Variants in GKAP1 observed in about 807,000 individuals in gnomAD.
The protein encoded by GKAP1 is G kinase anchoring protein 1, also known as G kinase-anchoring protein 1.
Under a neutral mutation model 56.7 loss-of-function variants are expected in GKAP1, and 31 were observed. The ratio of observed to expected loss-of-function variants is 0.55; its 90% CI spans 0.41 to 0.74. The LOEUF (loss-of-function observed/expected upper bound fraction) is 0.74, where lower values mean the gene tolerates loss of function less well. Ranked by LOEUF, GKAP1 falls within the 30% of genes least tolerant of loss-of-function variation. The pLI is 0.00. For synonymous variants in GKAP1, 151 were observed against 138.6 expected (o/e 1.09, Z -0.63); for missense variants, 364 against 402.3 (o/e 0.90, Z 0.82).
intron 3 of GKAP1, 97 bp downstream of exon 3, chr9:83,806,205 A>G: frequency 4.2e-6 from 3 of 706,142 alleles, no homozygotes; most frequent in South Asian, 3.7e-5. Context: ...GTACCTGTGG[A>G]ACAGGTACTA....
chr9:83,758,977 T>G (rs935422285), intron 8 of GKAP1, among the ~76,000 whole-genome samples: 2 of 152,192 alleles, frequency 1.3e-5, no homozygotes, highest in African/African-American at 4.8e-5. Flanking sequence ...CCTTTACACT[T>G]AATGAAAGCT....
At chr9:83,747,375 A>C (rs904673395) in intron 10 of GKAP1, among the ~76,000 whole-genome samples, 5 of 152,160 alleles carry the variant, frequency 3.3e-5, no homozygotes, top group African/African-American at 1.2e-4. Flanking sequence ...AGTAGCAGCA[A>C]AAGTATGAAG....
In GKAP1 at chr9:83,741,969, C is replaced by T; in HGVS notation, c.1036G>A (p.Glu346Lys). 6.3e-7 allele frequency: 1 copy of T among 1,591,534 alleles called. No individual in the cohort carries two copies. Among genetic ancestry groups the T allele is most frequent in the Non-Finnish European group, 8.6e-7 (1 of 1,168,632 alleles). Residue 346 changes from glutamate to lysine, a missense_variant, in exon 12 of 13, where the codon GAG becomes AAG. Coordinates refer to ENST00000376371, the MANE Select transcript of GKAP1 (RefSeq NM_025211.4). ...ERSKVKVLQAELAKYQGGRKG... is the reference protein window; with the variant it reads ...ERSKVKVLQAKLAKYQGGRKG... ...AAGCATACCTGGTATTTGGCTAACTCTGCTTGTAATACTTTCACTTTAGAT... is the reference window on the plus strand; with the variant it reads ...AAGCATACCTGGTATTTGGCTAACTTTGCTTGTAATACTTTCACTTTAGAT...
chr9:83,796,257 G>A (rs1211882127), intron 4 of GKAP1, among the ~76,000 whole-genome samples: 1 of 151,760 alleles, frequency 6.6e-6, no homozygotes, highest in Non-Finnish European at 1.5e-5. Flanking sequence ...TAATACCTGT[G>A]TCTCTTCTAT....
chr9:83,756,336 T>G (rs1943474997), intron 8 of GKAP1, among the ~76,000 whole-genome samples: 1 of 151,418 alleles, frequency 6.6e-6, no homozygotes, highest in Non-Finnish European at 1.5e-5. Flanking sequence ...CTGGGTGTGG[T>G]GGCACATGCC....
rs201680108 is a variant in GKAP1 at position 83,789,884 on chromosome 9, TTTTTAA to T, written c.361-1212_361-1207del. On this transcript the variant is annotated intron_variant, in intron 4 of 12. Coordinates refer to ENST00000376371, the MANE Select transcript of GKAP1 (RefSeq NM_025211.4). Reference sequence around the variant, plus strand: ...GCTTTTTCAAGACCTAATTATTTAGTTTTTAATTCAAATCTGTGAATCACTCAGTAT... The same window carrying T: ...GCTTTTTCAAGACCTAATTATTTAGTTTCAAATCTGTGAATCACTCAGTAT... Among the ~76,000 whole-genome samples, 1,266 of 152,340 alleles carry T rather than the reference TTTTTAA, an allele frequency of 8.3e-3. 19 individuals are homozygous for T. The highest frequency in any genetic ancestry group is 0.029 in the African/African-American group (1,201 of 41,572).
intron 7 of GKAP1, among the ~76,000 whole-genome samples, chr9:83,774,246 A>T (rs1243682401): frequency 6.6e-6 from 1 of 152,202 alleles, no homozygotes; most frequent in South Asian, 2.1e-4. Flanking sequence ...ATCCTAGAAT[A>T]AAACCTAGGA....
chr9:83,787,806 C>G (rs903725848), intron 5 of GKAP1, among the ~76,000 whole-genome samples: 12 of 152,184 alleles, frequency 7.9e-5, no homozygotes, highest in Non-Finnish European at 1.3e-4. Context: ...CAACACACAA[C>G]CTAATATCAA....
intron 7 of GKAP1, among the ~76,000 whole-genome samples, chr9:83,777,337 T>C (rs1943880659): frequency 6.6e-6 from 1 of 152,170 alleles, no homozygotes; most frequent in Non-Finnish European, 1.5e-5. Context: ...TGAGTATCTA[T>C]GAGATACCCT....
intron 8 of GKAP1, among the ~76,000 whole-genome samples, chr9:83,759,930 CCA>C (rs938927290): frequency 3.3e-5 from 5 of 152,160 alleles, no homozygotes; most frequent in East Asian, 1.9e-4. Flanking sequence ...TTTAAATTTG[CCA>C]CAGTCTTTTC....
At chr9:83,746,301 G>A (rs1943292334) in intron 10 of GKAP1, among the ~76,000 whole-genome samples, 1 of 152,138 alleles carries the variant, frequency 6.6e-6, no homozygotes, top group South Asian at 2.1e-4. Flanking sequence ...ACAATTGCTT[G>A]CAGGACATCC....
At position 83,768,925 on chromosome 9, in the gene GKAP1, T is replaced by C. The variant is rs1943710173; in HGVS notation, c.631A>G (p.Asn211Asp). ...TTATGAACATCATCTTCCAGTCTAT[T>C]GAAGAATCCTCCATCATGTGATAAA... Reference protein sequence around the residue: ...QTLSHDGGFFNRLEDDVHKIL... With the variant: ...QTLSHDGGFFDRLEDDVHKIL... The change falls in exon 8 of 13, where the codon AAT (asparagine) becomes GAT (aspartate). Residue 211 changes from asparagine to aspartate, a missense_variant. By Grantham distance (23) the Asn-to-Asp change is conservative (BLOSUM62 1). Transcript: ENST00000376371. 12 of 1,610,648 alleles carry C rather than the reference T, an allele frequency of 7.5e-6. No homozygotes were observed. In the East Asian group the frequency reaches 2.7e-4, roughly 36 times the overall value.
chr9:83,747,999 T>C (rs1341350211), intron 10 of GKAP1, among the ~76,000 whole-genome samples: 4 of 152,164 alleles, frequency 2.6e-5, no homozygotes, highest in Non-Finnish European at 5.9e-5. Flanking sequence ...TTCAATTTTT[T>C]TTATTGGCAC....
At chr9:83,771,240 GT>G (rs1943755307) in intron 7 of GKAP1, among the ~76,000 whole-genome samples, 3 of 70,516 alleles carry the variant, frequency 4.3e-5, no homozygotes, top group Non-Finnish European at 1.0e-4. Flanking sequence ...TTTTTTTGTT[GT>G]TTGTTTGTTT....
At chr9:83,788,851 A>C in intron 4 of GKAP1, 173 bp from the exon 5 acceptor site, 1 of 395,314 alleles carries the variant, frequency 2.5e-6, no homozygotes, top group Non-Finnish European at 4.5e-6. Context: ...TCTATAGAAG[A>C]CATCAAAATA....
intron 6 of GKAP1, among the ~76,000 whole-genome samples, chr9:83,784,012 C>T (rs1006451093): frequency 6.7e-6 from 1 of 149,820 alleles, no homozygotes; most frequent in South Asian, 2.1e-4. Flanking sequence ...CGCCTGTAAT[C>T]CCAGCAGTTT....
At chr9:83,797,843 G>C (rs1424764709) in intron 4 of GKAP1, among the ~76,000 whole-genome samples, 1 of 152,192 alleles carries the variant, frequency 6.6e-6, no homozygotes, top group Non-Finnish European at 1.5e-5. Context: ...GCCACTGGGA[G>C]AAATTCTCTC....
intron 1 of GKAP1, 55 bp downstream of exon 1, chr9:83,817,462 C>A (rs1426524860): frequency 6.6e-6 from 1 of 151,322 alleles, no homozygotes; most frequent in East Asian, 2.0e-4. Context: ...GCTGCCTACG[C>A]CTCCGGGGTG....
intron 7 of GKAP1, among the ~76,000 whole-genome samples, chr9:83,778,278 C>T (rs1943895593): frequency 6.6e-6 from 1 of 152,014 alleles, no homozygotes; most frequent in Non-Finnish European, 1.5e-5. Context: ...TTCACAATAG[C>T]AGACATAGAA....
Sources: allele counts gnomAD v4.1 joint callset (sites outside exome capture counted in the v4.1 genomes callset), GRCh38; gene constraint gnomAD v4.1.1; transcripts MANE v1.5; gene names NCBI Gene and HGNC (gene_info 2026-07-23, HGNC 2026-07-21).